The following HIPK2 variants were observed in gnomAD, a reference collection of about 807,000 sequenced individuals.
HIPK2 encodes homeodomain interacting protein kinase 2.
A neutral mutation model predicts 113.7 loss-of-function variants in HIPK2; 27 were observed. The observed-to-expected ratio is 0.24, with a 90% CI of 0.17 to 0.33. HIPK2 has a LOEUF of 0.33. Among genes scored for constraint, HIPK2 ranks in the 10% least tolerant of loss-of-function variants. The probability of loss-of-function intolerance (pLI) is 1.00; values close to 1 mark genes in which losing one functional copy is unlikely to be tolerated. For synonymous variants in HIPK2, 631 were observed against 642.2 expected (o/e 0.98, Z 0.26); for missense variants, 1,257 against 1,588.0 (o/e 0.79, Z 3.54).
At chr7:139,660,681 G>C (rs941511318) in intron 2 of HIPK2, among the ~76,000 whole-genome samples, 2 of 152,184 alleles carry the variant, frequency 1.3e-5, no homozygotes, top group African/African-American at 4.8e-5. Context: ...GAATTCATCT[G>C]ATATTCACAG....
chr7:139,766,842 C>T (rs1410923382), intron 1 of HIPK2, among the ~76,000 whole-genome samples: 1 of 152,096 alleles, frequency 6.6e-6, no homozygotes, highest in Non-Finnish European at 1.5e-5. Context: ...TGATATTTGG[C>T]CCATTTTATT....
chr7:139,629,117 G>T, intron 4 of HIPK2, 78 bp from the exon 5 acceptor site: 1 of 1,151,654 alleles, frequency 8.7e-7, no homozygotes, highest in Non-Finnish European at 1.3e-6. Flanking sequence ...GAACTCCTGT[G>T]TCTCACAGAG....
In HIPK2 at chr7:139,710,857, GCACCTACCC is replaced by G. The variant is rs541204784; in HGVS notation, c.1103+5066_1103+5074del. ...AGATTTGGTTGTTTAAAAGCATGTA[GCACCTACCC>G]CACCTCTCTCTTTCTCCTTCTCCAG... is the stretch of plus-strand genomic sequence containing the variant. On this transcript the variant is annotated intron_variant, in intron 2 of 14. Transcript: ENST00000406875. Among the ~76,000 whole-genome samples, 9 of 152,188 alleles carry G rather than the reference GCACCTACCC, an allele frequency of 5.9e-5. No individual in the cohort carries two copies. In the East Asian group the frequency reaches 1.7e-3, roughly 29 times the overall value.
In HIPK2 at chr7:139,575,149, C is replaced by A; in HGVS notation, c.3105G>T (p.Gln1035His). Reference sequence around the variant, plus strand: ...TTACCTGGCTGAGATTGAGTGGCTGCTGCTGCTGGAAGTGGGGGCCCGGCC... The same window carrying A: ...TTACCTGGCTGAGATTGAGTGGCTGATGCTGCTGGAAGTGGGGGCCCGGCC... ...QQRPGPHFQQQQPLNLSQAQQ... is the reference protein window; with the variant it reads ...QQRPGPHFQQHQPLNLSQAQQ... The change falls in exon 14 of 15, where the codon CAG (glutamine) becomes CAT (histidine). Residue 1035 changes from glutamine (Q) to histidine (H), a missense_variant. Transcript: ENST00000406875. 1 of 1,594,628 alleles carries A rather than the reference C, an allele frequency of 6.3e-7. No homozygotes were observed. Among genetic ancestry groups the A allele is most frequent in the Non-Finnish European group, 8.5e-7 (1 of 1,171,316 alleles).
intron 6 of HIPK2, 38 bp downstream of exon 6, chr7:139,626,563 G>C (rs1407837582): frequency 6.3e-7 from 1 of 1,587,166 alleles, no homozygotes; most frequent in African/African-American, 1.3e-5. Flanking sequence ...TTTAAAGTTT[G>C]CCGATCCCTG....
At chr7:139,768,831 G>C (rs535455394) in intron 1 of HIPK2, among the ~76,000 whole-genome samples, 1 of 152,186 alleles carries the variant, frequency 6.6e-6, no homozygotes, top group Non-Finnish European at 1.5e-5. Context: ...CGGCATTCTG[G>C]AGTGTTCTGG....
intron 14 of HIPK2, 39 bp downstream of exon 14, chr7:139,575,089 G>T: frequency 1.3e-6 from 2 of 1,553,264 alleles, no homozygotes; most frequent in Non-Finnish European, 1.7e-6. Context: ...GAGGGGATGG[G>T]GGCCCTGCCT....
intron 1 of HIPK2, among the ~76,000 whole-genome samples, chr7:139,766,541 T>C (rs568508901): frequency 4.4e-4 from 67 of 152,270 alleles, no homozygotes; most frequent in Non-Finnish European, 7.4e-4. Context: ...TCCAGCTTGA[T>C]TGCCTCTTTT....
At chr7:139,726,032 T>A (rs1377270323) in intron 1 of HIPK2, among the ~76,000 whole-genome samples, 1 of 152,216 alleles carries the variant, frequency 6.6e-6, no homozygotes, top group Admixed American at 6.5e-5. Flanking sequence ...TGACTATACG[T>A]CACCTGATAA....
In HIPK2 at chr7:139,597,578, G is replaced by GT. The variant is rs143757107; in HGVS notation, c.2436-581_2436-580insA. ...TTCCTTCTTTCCTCCTCTGGAAAAA[G>GT]AACATGACCATCAAAGTATTTGTGT... On this transcript the variant is annotated intron_variant, in intron 11 of 14. Transcript: ENST00000406875. Among the ~76,000 whole-genome samples, 694 of 152,290 alleles carry GT rather than the reference G, an allele frequency of 4.6e-3. 7 individuals are homozygous for GT. Among genetic ancestry groups the GT allele is most frequent in the African/African-American group, 0.016 (651 of 41,562 alleles).
intron 2 of HIPK2, among the ~76,000 whole-genome samples, chr7:139,694,418 C>T (rs28707561): frequency 0.13 from 20,439 of 151,962 alleles, 1,588 homozygotes; most frequent in Non-Finnish European, 0.18. Context: ...CAACACACGG[C>T]TCAGAGCTCC....
At chr7:139,702,137 C>T (rs969098478) in intron 2 of HIPK2, among the ~76,000 whole-genome samples, 8 of 152,128 alleles carry the variant, frequency 5.3e-5, no homozygotes, top group Admixed American at 6.5e-5. Context: ...CAGCGCAGGC[C>T]GGGGCACGAG....
chr7:139,614,120 A>C, intron 8 of HIPK2, 166 bp downstream of exon 8: 1 of 314,570 alleles, frequency 3.2e-6, no homozygotes, highest in Non-Finnish European at 4.6e-6. Flanking sequence ...TAGGTTGGCC[A>C]CAGTAGGAGA....
At chr7:139,660,238 T>C (rs1191954545) in intron 2 of HIPK2, among the ~76,000 whole-genome samples, 1 of 152,172 alleles carries the variant, frequency 6.6e-6, no homozygotes, top group Non-Finnish European at 1.5e-5. Flanking sequence ...GCAAAGCCTA[T>C]AGGGTTTCAA....
In HIPK2 at chr7:139,572,764, G is replaced by GGCCCCCCCCCCCCCCCCCCCCCCCCC. The variant is rs1798327541; in HGVS notation, c.*162_*163insGGGGGGGGGGGGGGGGGGGGGGGGGC. 3.4e-5 allele frequency: 1 copy of GGCCCCCCCCCCCCCCCCCCCCCCCCC among 29,326 alleles called. No homozygotes were observed. The allele number at this position is 29,326 out of a possible 1,614,324, so 1.8% of individuals were successfully genotyped here. ...GTCCCGACCCGTCCCCCTGCCCTCT[G>GGCCCCCCCCCCCCCCCCCCCCCCCCC]CCCCCCCCCCCCCCCCCGCCCCTGC... On this transcript the variant is annotated 3_prime_UTR_variant, in exon 15 of 15. Coordinates refer to ENST00000406875, the MANE Select transcript of HIPK2 (RefSeq NM_022740.5).
chr7:139,581,373 C>A (rs60585115), intron 13 of HIPK2, among the ~76,000 whole-genome samples: 8,349 of 152,254 alleles, frequency 0.055, 497 homozygotes, highest in African/African-American at 0.15. Context: ...CTCAGGTCCC[C>A]GGGGTTCTGG....
chr7:139,572,649 A>G lies in HIPK2; in HGVS notation c.*278T>C, dbSNP rs1040180964. The G allele has an allele frequency of 3.0e-6, 1 of 337,796 alleles. No individual in the cohort carries two copies. 20.9% of individuals were successfully genotyped at this position (337,796 alleles called of 1,614,324 possible). On this transcript the variant is annotated 3_prime_UTR_variant, in exon 15 of 15. Transcript: ENST00000406875. ...TTTTCTTTTTTAAAATAAAAACCAT[A>G]GATTTCCCACCCTCTTTAATCCCTT... is the stretch of plus-strand genomic sequence containing the variant.
intron 1 of HIPK2, among the ~76,000 whole-genome samples, chr7:139,766,619 C>T (rs1300575770): frequency 1.3e-5 from 2 of 152,196 alleles, no homozygotes; most frequent in African/African-American, 2.4e-5. Flanking sequence ...CTCTAACTTA[C>T]CTGCAAGAAG....
intron 10 of HIPK2, among the ~76,000 whole-genome samples, chr7:139,601,341 C>T (rs1404249357): frequency 2.6e-5 from 4 of 151,830 alleles, no homozygotes; most frequent in Non-Finnish European, 5.9e-5. Flanking sequence ...TATTTTATTC[C>T]ACTCTGTGAC....
Sources: allele counts gnomAD v4.1 joint callset (sites outside exome capture counted in the v4.1 genomes callset), GRCh38; gene constraint gnomAD v4.1.1; transcripts MANE v1.5; gene names NCBI Gene and HGNC (gene_info 2026-07-23, HGNC 2026-07-21).